SLC35F4: variants seen among roughly 807,000 people sequenced by gnomAD.
SLC35F4 encodes the protein chromosome 14 open reading frame 36.
A neutral mutation model predicts 44.2 loss-of-function variants in SLC35F4; 24 were observed. That is an observed-to-expected ratio of 0.54 (90% CI 0.39 to 0.76). SLC35F4 has a LOEUF of 0.76. Among genes scored for constraint, SLC35F4 ranks in the 30% least tolerant of loss-of-function variants. The pLI, the probability that SLC35F4 is intolerant of heterozygous loss-of-function variation, is 0.00. For missense variants in SLC35F4, 562 were observed against 586.1 expected (o/e 0.96, Z 0.42); for synonymous variants, 238 against 223.6 (o/e 1.06, Z -0.57).
At chr14:57,881,087 C>T (rs910360873) in intron 1 of SLC35F4, among the ~76,000 whole-genome samples, 1 of 152,094 alleles carries the variant, frequency 6.6e-6, no homozygotes, top group African/African-American at 2.4e-5. Flanking sequence ...AACAAATGCC[C>T]TCTCTACTCT....
At chr14:57,799,496 C>G (rs1303273993) in intron 1 of SLC35F4, 4 of 152,404 alleles carry the variant, frequency 2.6e-5, no homozygotes, top group African/African-American at 7.2e-5. Flanking sequence ...GGGAGCCACA[C>G]AGCATCGTTC....
intron 1 of SLC35F4, among the ~76,000 whole-genome samples, chr14:57,808,445 A>G (rs1370421036): frequency 6.6e-6 from 1 of 151,930 alleles, no homozygotes; most frequent in African/African-American, 2.4e-5. Context: ...TAATTGATTA[A>G]CAAAAACTCA....
intron 1 of SLC35F4, among the ~76,000 whole-genome samples, chr14:57,920,922 A>C (rs1889428173): frequency 1.3e-5 from 2 of 152,208 alleles, no homozygotes; most frequent in South Asian, 4.1e-4. Flanking sequence ...TTATTTTAAA[A>C]ATGGCTTTTT....
chr14:57,616,318 A>G (rs1346848957), intron 1 of SLC35F4, among the ~76,000 whole-genome samples: 1 of 152,258 alleles, frequency 6.6e-6, no homozygotes, highest in Non-Finnish European at 1.5e-5. Context: ...TTCCAGAATT[A>G]TGAAGGGGAA....
At chr14:57,777,655 A>G (rs2077521293) in intron 1 of SLC35F4, among the ~76,000 whole-genome samples, 1 of 152,146 alleles carries the variant, frequency 6.6e-6, no homozygotes, top group Non-Finnish European at 1.5e-5. Flanking sequence ...GGGGAGGGAT[A>G]GCATTAGGAG....
chr14:57,585,836 G>A lies in SLC35F4; in HGVS notation c.587+3380C>T, dbSNP rs576658210. Among the ~76,000 whole-genome samples the A allele has an allele frequency of 7.8e-4, 119 of 152,210 alleles. 1 individual carries two copies. The Middle Eastern group carries it at 0.014, about 17-fold the overall frequency. ...CAAGGAAATAAGAGAGGACACAAAC[G>A]GGTGGGAAAATATTCTATGCTCATT... On this transcript the variant is annotated intron_variant, in intron 3 of 7. Coordinates refer to ENST00000556826, the MANE Select transcript of SLC35F4 (RefSeq NM_001306087.2).
At chr14:57,831,977 C>T (rs1435731634) in intron 1 of SLC35F4, among the ~76,000 whole-genome samples, 1 of 152,196 alleles carries the variant, frequency 6.6e-6, no homozygotes, top group African/African-American at 2.4e-5. Context: ...TCCAAGCCAG[C>T]AAAGAACTCT....
intron 1 of SLC35F4, among the ~76,000 whole-genome samples, chr14:57,877,821 A>G (rs113823166): frequency 0.022 from 3,310 of 150,768 alleles, 138 homozygotes; most frequent in African/African-American, 0.076. Flanking sequence ...AGTAGATGGG[A>G]TTACAGGCTT....
intron 1 of SLC35F4, among the ~76,000 whole-genome samples, chr14:57,945,867 T>C (rs1890016856): frequency 6.6e-6 from 1 of 152,194 alleles, no homozygotes; most frequent in African/African-American, 2.4e-5. Context: ...ATTTACCTGA[T>C]GATTAGTGAT....
At chr14:57,884,707 T>C (rs1031345345) in intron 1 of SLC35F4, among the ~76,000 whole-genome samples, 3 of 152,186 alleles carry the variant, frequency 2.0e-5, no homozygotes, top group Non-Finnish European at 2.9e-5. Context: ...ACAGAGATGG[T>C]ATTATGAATA....
intron 1 of SLC35F4, among the ~76,000 whole-genome samples, chr14:57,938,650 C>T (rs1173887665): frequency 1.3e-5 from 2 of 152,308 alleles, no homozygotes; most frequent in Non-Finnish European, 2.9e-5. Flanking sequence ...CTTTAATGTT[C>T]ACACTTAACA....
chr14:57,641,854 G>T (rs906446788), intron 1 of SLC35F4, among the ~76,000 whole-genome samples: 8 of 151,986 alleles, frequency 5.3e-5, no homozygotes, highest in Non-Finnish European at 7.4e-5. Context: ...CTGATGAATA[G>T]CATAGTCTTA....
intron 1 of SLC35F4, among the ~76,000 whole-genome samples, chr14:57,703,988 A>G (rs970702319): frequency 1.3e-5 from 2 of 152,192 alleles, no homozygotes; most frequent in African/African-American, 4.8e-5. Context: ...TCCCTGCTGG[A>G]ATTTTCCACT....
intron 1 of SLC35F4, among the ~76,000 whole-genome samples, chr14:57,771,638 G>C (rs1179234782): frequency 2.0e-5 from 3 of 152,118 alleles, no homozygotes; most frequent in African/African-American, 7.2e-5. Context: ...CTATTGCCCA[G>C]GCTGGAGTGC....
chr14:57,862,659 A>G (rs1476631944), intron 1 of SLC35F4, among the ~76,000 whole-genome samples: 3 of 152,178 alleles, frequency 2.0e-5, no homozygotes, highest in Admixed American at 6.5e-5. Context: ...GGATGTCCAT[A>G]TGGCTAACTC....
At chr14:57,824,106 C>T (rs1289470799) in intron 1 of SLC35F4, among the ~76,000 whole-genome samples, 2 of 152,104 alleles carry the variant, frequency 1.3e-5, no homozygotes, top group Admixed American at 1.3e-4. Context: ...TACTAGCCCA[C>T]TGGAATAATG....
intron 1 of SLC35F4, among the ~76,000 whole-genome samples, chr14:57,929,385 A>T (rs544024503): frequency 6.6e-6 from 1 of 152,126 alleles, no homozygotes; most frequent in Non-Finnish European, 1.5e-5. Context: ...GGGAAAACCC[A>T]AACATTTATT....
chr14:57,610,324 T>G (rs1595041692), intron 1 of SLC35F4, among the ~76,000 whole-genome samples: 1 of 152,046 alleles, frequency 6.6e-6, no homozygotes, highest in African/African-American at 2.4e-5. Flanking sequence ...GCCTGGAGGG[T>G]GTGAGAAACT....
At chr14:57,941,099 T>C (rs1350478779) in intron 1 of SLC35F4, among the ~76,000 whole-genome samples, 1 of 152,156 alleles carries the variant, frequency 6.6e-6, no homozygotes, top group Non-Finnish European at 1.5e-5. Context: ...CTGGTGGGGA[T>C]GTATAATAAT....
Sources: allele counts gnomAD v4.1 joint callset (sites outside exome capture counted in the v4.1 genomes callset), GRCh38; gene constraint gnomAD v4.1.1; transcripts MANE v1.5; gene names NCBI Gene and HGNC (gene_info 2026-07-23, HGNC 2026-07-21).